The following OR56A3 variants were observed in gnomAD, a reference collection of about 807,000 sequenced individuals.
The protein encoded by OR56A3 is olfactory receptor family 56 subfamily A member 3, also known as olfactory receptor 56A3.
Under a neutral mutation model 17.5 loss-of-function variants are expected in OR56A3, and 23 were observed. The observed-to-expected ratio is 1.32, with a 90% CI of 0.95 to 1.87. The LOEUF (loss-of-function observed/expected upper bound fraction) is 1.87. Ranked by LOEUF, OR56A3 falls within the 40% of genes most tolerant of loss-of-function variation. OR56A3 has a pLI of 0.00. For missense variants in OR56A3, 366 were observed against 380.1 expected, an observed-to-expected ratio of 0.96 and a Z score of 0.31; for synonymous variants, 175 against 150.6, an observed-to-expected ratio of 1.16 and a Z score of -1.19.
the OR56A3 span, chr11:6,000,310 G>T: frequency 1.3e-5 from 2 of 152,180 alleles, no homozygotes; most frequent in African/African-American, 4.8e-5. Context: ...CATGTCCTTG[G>T]TAGGGACATG....
At chr11:5,966,547 C>A in the OR56A3 span, among the ~76,000 whole-genome samples, 1 of 152,002 alleles carries the variant, frequency 6.6e-6, no homozygotes, top group Non-Finnish European at 1.5e-5. Context: ...TACTTAATCC[C>A]AGGAAATATT....
the OR56A3 span, among the ~76,000 whole-genome samples, chr11:5,957,976 G>C: frequency 6.6e-6 from 1 of 152,076 alleles, no homozygotes; most frequent in African/African-American, 2.4e-5. Flanking sequence ...AACCTTCTAA[G>C]TATTTTTGTG....
At chr11:5,953,089 A>G (rs1847916567), downstream of OR56A3, among the ~76,000 whole-genome samples, 1 of 152,166 alleles carries the variant, frequency 6.6e-6, no homozygotes, top group African/African-American at 2.4e-5. Flanking sequence ...TGTTTTTGCT[A>G]TTGCGAATAG....
At chr11:5,967,350 G>A in the OR56A3 span, among the ~76,000 whole-genome samples, 1 of 152,094 alleles carries the variant, frequency 6.6e-6, no homozygotes, top group African/African-American at 2.4e-5. Context: ...AACAATTCTA[G>A]AATGCCAAAA....
chr11:5,965,274 A>T, the OR56A3 span, among the ~76,000 whole-genome samples: 12 of 152,222 alleles, frequency 7.9e-5, no homozygotes, highest in African/African-American at 2.7e-4. Context: ...TAGGTCATCC[A>T]GTTTATCCAG....
At chr11:5,984,139 C>A in the OR56A3 span, among the ~76,000 whole-genome samples, 1 of 152,176 alleles carries the variant, frequency 6.6e-6, no homozygotes, top group African/African-American at 2.4e-5. Context: ...CTCCTCTATC[C>A]TCTGGTTCCA....
At chr11:5,992,708 A>G in the OR56A3 span, among the ~76,000 whole-genome samples, 1 of 152,136 alleles carries the variant, frequency 6.6e-6, no homozygotes. Context: ...TCCCAATGAG[A>G]TGGGCTGAGG....
the OR56A3 span, among the ~76,000 whole-genome samples, chr11:5,990,915 T>G: frequency 6.2e-4 from 94 of 152,216 alleles, 1 homozygote; most frequent in African/African-American, 2.2e-3. Context: ...TCTGGGAATT[T>G]TCATGAAGAG....
chr11:5,985,831 G>C, the OR56A3 span: 1 of 1,004,436 alleles, frequency 1.0e-6, no homozygotes, highest in Non-Finnish European at 1.4e-6. Context: ...AGACTAGAAG[G>C]AATACTCACT....
rs760781443 is a variant in OR56A3, at chr11:5,948,294, A to G, written c.948A>G (p.Ter316=). 3 of 1,594,478 alleles carry G rather than the reference A, an allele frequency of 1.9e-6. No homozygotes were observed. Among genetic ancestry groups the G allele is most frequent in the East Asian group, 2.2e-5 (1 of 44,740 alleles). Residue 316 remains the stop codon, a stop_retained_variant, in exon 3 of 3, where the codon TAA becomes TAG. Transcript: ENST00000641160. ...GMQRLLKKGC[*] is the part of the protein sequence containing the mutation. Reference sequence around the variant, plus strand: ...AGAGGTTGTTGAAGAAAGGGTGCTAACAAGGACCACTGGATCTCTGAATAT... The same window carrying G: ...AGAGGTTGTTGAAGAAAGGGTGCTAGCAAGGACCACTGGATCTCTGAATAT...
chr11:5,948,061 G>A lies in OR56A3; in HGVS notation c.715G>A (p.Ala239Thr). Reference protein sequence around the residue: ...VLRLKAEGAVAKALSTCGSHF... With the variant: ...VLRLKAEGAVTKALSTCGSHF... ...GAGACTCAAGGCAGAGGGTGCCGTG[G>A]CAAAGGCCCTAAGCACATGTGGCTC... is the stretch of plus-strand genomic sequence containing the variant. The change falls in exon 3 of 3, where the codon GCA becomes ACA. Residue 239 changes from alanine (A) to threonine (T), a missense_variant. Ala to Thr is a moderately conservative substitution (Grantham distance 58, BLOSUM62 0). Transcript: ENST00000641160. 1 of 1,614,168 alleles carries A rather than the reference G, an allele frequency of 6.2e-7. No individual in the cohort carries two copies. Among genetic ancestry groups the A allele is most frequent in the Non-Finnish European group, 8.5e-7 (1 of 1,180,032 alleles).
chr11:5,980,867 T>G, the OR56A3 span, among the ~76,000 whole-genome samples: 1 of 152,188 alleles, frequency 6.6e-6, no homozygotes, highest in African/African-American at 2.4e-5. Flanking sequence ...TGGTAACAAA[T>G]TTCCTTATCA....
the OR56A3 span, chr11:6,019,665 C>T: frequency 6.6e-6 from 1 of 152,148 alleles, no homozygotes; most frequent in East Asian, 1.9e-4. Context: ...GAAAGACCCA[C>T]CCCCATAATT....
At chr11:5,994,350 T>A in the OR56A3 span, 1 of 689,250 alleles carries the variant, frequency 1.5e-6, no homozygotes, top group South Asian at 1.4e-5. Context: ...CTCAATCTGC[T>A]GAGACCAGTA....
chr11:5,970,001 T>G, the OR56A3 span, among the ~76,000 whole-genome samples: 1 of 152,212 alleles, frequency 6.6e-6, no homozygotes, highest in South Asian at 2.1e-4. Context: ...CTCAAATGAC[T>G]AAGAAAGTTT....
intron 2 of OR56A3, among the ~76,000 whole-genome samples, chr11:5,946,706 A>G (rs982081115): frequency 1.3e-5 from 2 of 152,234 alleles, no homozygotes; most frequent in Non-Finnish European, 2.9e-5. Flanking sequence ...TAAGGCAATT[A>G]TTTGGTGGAA....
chr11:5,977,193 A>T, the OR56A3 span, among the ~76,000 whole-genome samples: 1 of 152,154 alleles, frequency 6.6e-6, no homozygotes. Context: ...ATGTATCTTC[A>T]TCGTAGAACT....
the OR56A3 span, among the ~76,000 whole-genome samples, chr11:5,956,870 A>G: frequency 3.3e-5 from 5 of 152,312 alleles, no homozygotes; most frequent in South Asian, 4.1e-4. Context: ...TTAAATATAA[A>G]GAGAGGCCTG....
the OR56A3 span, chr11:5,986,310 G>A: frequency 6.2e-7 from 1 of 1,614,012 alleles, no homozygotes; most frequent in Non-Finnish European, 8.5e-7. Flanking sequence ...TGGTTTCTGA[G>A]CAGGCAAGTT....
Sources: allele counts gnomAD v4.1 joint callset (sites outside exome capture counted in the v4.1 genomes callset), GRCh38; gene constraint gnomAD v4.1.1; transcripts MANE v1.5; gene names NCBI Gene and HGNC (gene_info 2026-07-23, HGNC 2026-07-21).